Variants in SCAI observed in about 807,000 individuals in gnomAD.
SCAI encodes protein SCAI.
SCAI carries 24 observed loss-of-function variants against 92.2 expected under a neutral mutation model. That is an observed-to-expected ratio of 0.26 (90% CI 0.19 to 0.37). The LOEUF (loss-of-function observed/expected upper bound fraction) is 0.37. Ranked by LOEUF, SCAI falls within the 10% of genes least tolerant of loss-of-function variation. SCAI has a pLI of 1.00. For synonymous variants in SCAI, 261 were observed against 258.6 expected (o/e 1.01, Z -0.09); for missense variants, 450 against 736.2 (o/e 0.61, Z 4.50).
intron 2 of SCAI, among the ~76,000 whole-genome samples, chr9:125,123,081 G>A (rs1031910244): frequency 2.0e-5 from 3 of 152,114 alleles, no homozygotes; most frequent in Admixed American, 6.5e-5. Context: ...GACAGGCTAC[G>A]ACAGGCTCAG....
chr9:124,962,384 T>A (rs187894869), intron 17 of SCAI, among the ~76,000 whole-genome samples: 72 of 152,158 alleles, frequency 4.7e-4, no homozygotes, highest in Admixed American at 7.9e-4. Context: ...TGGTCTTGAA[T>A]TCTTGACCTA....
At chr9:125,135,777 C>T (rs1348918946) in intron 2 of SCAI, among the ~76,000 whole-genome samples, 2 of 152,086 alleles carry the variant, frequency 1.3e-5, no homozygotes, top group African/African-American at 4.8e-5. Flanking sequence ...CAAGACCAGC[C>T]TAACGAACAT....
chr9:125,103,293 GGTA>G (rs1834715254), intron 2 of SCAI, among the ~76,000 whole-genome samples: 1 of 151,986 alleles, frequency 6.6e-6, no homozygotes, highest in Non-Finnish European at 1.5e-5. Flanking sequence ...CACTAACACA[GGTA>G]GTCCTTTGAG....
intron 2 of SCAI, among the ~76,000 whole-genome samples, chr9:125,057,332 G>A (rs1001124638): frequency 6.6e-6 from 1 of 151,960 alleles, no homozygotes; most frequent in Non-Finnish European, 1.5e-5. Flanking sequence ...AGAAATGAGG[G>A]AAATCAACTG....
intron 2 of SCAI, among the ~76,000 whole-genome samples, chr9:125,139,427 A>G (rs1835614805): frequency 6.6e-6 from 1 of 151,784 alleles, no homozygotes; most frequent in Non-Finnish European, 1.5e-5. Flanking sequence ...CAACAACAAC[A>G]AAAACAACAA....
At chr9:124,959,452 C>T (rs1028201871) in intron 17 of SCAI, among the ~76,000 whole-genome samples, 1 of 145,302 alleles carries the variant, frequency 6.9e-6, no homozygotes, top group African/African-American at 2.5e-5. Flanking sequence ...TGAGATAAGG[C>T]CTAGCAATTT....
At chr9:125,055,247 AT>A (rs1373384069) in intron 3 of SCAI, among the ~76,000 whole-genome samples, 1 of 152,178 alleles carries the variant, frequency 6.6e-6, no homozygotes, top group Non-Finnish European at 1.5e-5. Flanking sequence ...AATTTTACCT[AT>A]TGTATGAATT....
chr9:125,017,443 C>T (rs1832783277), intron 9 of SCAI, among the ~76,000 whole-genome samples: 1 of 150,792 alleles, frequency 6.6e-6, no homozygotes, highest in Non-Finnish European at 1.5e-5. Flanking sequence ...TATATTCATA[C>T]TATAATTTCA....
intron 3 of SCAI, among the ~76,000 whole-genome samples, chr9:125,036,135 G>C (rs1285095467): frequency 6.6e-6 from 1 of 151,620 alleles, no homozygotes; most frequent in Non-Finnish European, 1.5e-5. Flanking sequence ...GGGCAACAAA[G>C]GGAGCCCCTG....
intron 2 of SCAI, among the ~76,000 whole-genome samples, chr9:125,078,731 C>T (rs1834147001): frequency 6.6e-6 from 1 of 152,018 alleles, no homozygotes; most frequent in Non-Finnish European, 1.5e-5. Flanking sequence ...GCCTGGGAAA[C>T]ATAGTGAGAC....
chr9:125,090,313 A>G (rs1834405346), intron 2 of SCAI, among the ~76,000 whole-genome samples: 1 of 152,122 alleles, frequency 6.6e-6, no homozygotes. Context: ...TAAGAAGAAG[A>G]GGAAGGAGAG....
chr9:125,027,498 C>T (rs1588161641), intron 5 of SCAI, among the ~76,000 whole-genome samples: 2 of 151,708 alleles, frequency 1.3e-5, no homozygotes. Flanking sequence ...GTTTTATTGC[C>T]TTTTCTTTTC....
At chr9:125,023,204 A>T (rs555771031) in intron 6 of SCAI, among the ~76,000 whole-genome samples, 1 of 152,186 alleles carries the variant, frequency 6.6e-6, no homozygotes, top group Non-Finnish European at 1.5e-5. Context: ...CTTGTATATC[A>T]TACCTTCCCC....
chr9:125,092,514 C>A (rs1009012216), intron 2 of SCAI, among the ~76,000 whole-genome samples: 1 of 152,086 alleles, frequency 6.6e-6, no homozygotes, highest in Non-Finnish European at 1.5e-5. Context: ...ACATGCCCAG[C>A]CACAATGTAC....
intron 5 of SCAI, among the ~76,000 whole-genome samples, chr9:125,027,823 C>A (rs112612228): frequency 4.6e-5 from 7 of 152,194 alleles, no homozygotes; most frequent in East Asian, 1.9e-4. Context: ...CATTTTATTG[C>A]CTTTTAGATT....
At chr9:125,015,623 G>T (rs537035506) in intron 9 of SCAI, among the ~76,000 whole-genome samples, 106 of 152,198 alleles carry the variant, frequency 7.0e-4, no homozygotes, top group Middle Eastern at 3.4e-3. Flanking sequence ...TCAGTGTGGC[G>T]ATTCCTCAGG....
Position 124,951,778 on chromosome 9 carries a change from T to C in SCAI, c.*1029A>G, listed in dbSNP as rs1171499415. 1 of 152,178 alleles carries C rather than the reference T, an allele frequency of 6.6e-6. No homozygotes were observed. The highest frequency in any genetic ancestry group is 1.5e-5 in the Non-Finnish European group (1 of 68,018). 9.4% of individuals were successfully genotyped at this position (152,178 alleles called of 1,614,324 possible). On this transcript the variant is annotated 3_prime_UTR_variant, in exon 18 of 18. Transcript: ENST00000336505. ...TCTTTATAATATACACTGAGTCCTA[T>C]TTAAGATAATAAAAATTTTGTGCAT...
At position 125,057,532 on chromosome 9, in the gene SCAI, C is replaced by T. The variant is rs1833693351; in HGVS notation, c.99-1525G>A. Reference sequence around the variant, plus strand: ...AAACTTAGGAAATCAGAATTCTCTTCCCTTCCTGAAAAATTCACTCTTATA... The same window carrying T: ...AAACTTAGGAAATCAGAATTCTCTTTCCTTCCTGAAAAATTCACTCTTATA... On this transcript the variant is annotated intron_variant, in intron 2 of 17. Transcript: ENST00000336505. Among the ~76,000 whole-genome samples the T allele has an allele frequency of 2.6e-5, 4 of 152,194 alleles. 1 individual carries two copies. The South Asian group carries it at 8.3e-4, about 31-fold the overall frequency.
intron 2 of SCAI, among the ~76,000 whole-genome samples, chr9:125,081,420 T>C (rs113815053): frequency 0.06 from 9,103 of 152,310 alleles, 643 homozygotes; most frequent in East Asian, 0.23. Context: ...ACTCTTGTTA[T>C]GTCTTAGCAA....
Sources: gnomAD v4.1 joint callset for allele counts (sites outside exome capture counted in the v4.1 genomes callset) on GRCh38, gnomAD v4.1.1 for gene constraint, MANE v1.5 for transcripts, NCBI Gene and HGNC (gene_info 2026-07-23, HGNC 2026-07-21) for gene names.